Variants in OCM observed in about 807,000 individuals in gnomAD.
The protein encoded by OCM is oncomodulin.
Under a neutral mutation model 14.1 loss-of-function variants are expected in OCM, and 18 were observed. The ratio of observed to expected loss-of-function variants is 1.28; its 90% CI spans 0.88 to 1.89. OCM has a LOEUF of 1.89. Ranked by LOEUF, OCM falls within the 40% of genes most tolerant of loss-of-function variation. The pLI is 0.00. For missense variants in OCM, 140 were observed against 137.6 expected, an observed-to-expected ratio of 1.02 and a Z score of -0.09; for synonymous variants, 48 against 51.0, an observed-to-expected ratio of 0.94 and a Z score of 0.25.
chr7:5,877,869 A>G (rs373319124), upstream of OCM, among the ~76,000 whole-genome samples: 5 of 150,772 alleles, frequency 3.3e-5, no homozygotes, highest in East Asian at 7.8e-4. Context: ...ATGCCACAAC[A>G]TGGATGAAAC....
At chr7:5,883,611 C>T (rs562634265) in intron 2 of OCM, among the ~76,000 whole-genome samples, 2 of 151,506 alleles carry the variant, frequency 1.3e-5, no homozygotes, top group East Asian at 3.9e-4. Context: ...TGATTGAGCC[C>T]AGGAAGTCGA....
the OCM span, among the ~76,000 whole-genome samples, chr7:5,864,305 C>G: frequency 1.3e-5 from 2 of 150,686 alleles, no homozygotes; most frequent in Non-Finnish European, 2.9e-5. Flanking sequence ...TGTGATCGCA[C>G]CACTGCACTC....
the OCM span, among the ~76,000 whole-genome samples, chr7:5,865,527 G>A: frequency 6.3e-4 from 96 of 151,842 alleles, no homozygotes; most frequent in Admixed American, 3.9e-4. Flanking sequence ...GGTCATTTAT[G>A]GTGGCCATCC....
the OCM span, among the ~76,000 whole-genome samples, chr7:5,870,841 G>A: frequency 5.9e-5 from 9 of 151,984 alleles, no homozygotes; most frequent in Admixed American, 3.9e-4. Context: ...AAAATTAACT[G>A]TCACAACTAC....
At chr7:5,881,494 G>T (rs913800565) in intron 1 of OCM, among the ~76,000 whole-genome samples, 10 of 152,102 alleles carry the variant, frequency 6.6e-5, no homozygotes, top group Non-Finnish European at 1.2e-4. Context: ...GCGGGGCATG[G>T]TGGCATGTGC....
chr7:5,864,547 T>A, the OCM span, among the ~76,000 whole-genome samples: 1 of 152,220 alleles, frequency 6.6e-6, no homozygotes, highest in East Asian at 1.9e-4. Flanking sequence ...TCAACTTTTT[T>A]AAGATGCAAA....
At chr7:5,865,624 T>C in the OCM span, among the ~76,000 whole-genome samples, 1 of 152,218 alleles carries the variant, frequency 6.6e-6, no homozygotes, top group Non-Finnish European at 1.5e-5. Flanking sequence ...GTTGCAATAA[T>C]GCAAAAACCA....
rs374267718 is a variant in OCM at position 5,880,846 on chromosome 7, T to C, written c.-44T>C. On this transcript the variant is annotated 5_prime_UTR_variant, in exon 1 of 4. Transcript: ENST00000242104. ...TCCCCTGGATGTGCACATTCCTGTTTGTGGCTTATCGCCTCTCATTTATTC... is the reference window on the plus strand; with the variant it reads ...TCCCCTGGATGTGCACATTCCTGTTCGTGGCTTATCGCCTCTCATTTATTC... 2 of 1,589,910 alleles carry C rather than the reference T, an allele frequency of 1.3e-6. No individual in the cohort carries two copies. Among genetic ancestry groups the C allele is most frequent in the Non-Finnish European group, 1.7e-6 (2 of 1,158,036 alleles).
At chr7:5,880,301 G>A (rs1651898634), upstream of OCM, among the ~76,000 whole-genome samples, 1 of 151,982 alleles carries the variant, frequency 6.6e-6, no homozygotes, top group Non-Finnish European at 1.5e-5. Flanking sequence ...ATTTTTATAA[G>A]AAAACAATTG....
the OCM span, among the ~76,000 whole-genome samples, chr7:5,869,453 C>A: frequency 1.3e-5 from 2 of 151,952 alleles, no homozygotes; most frequent in Non-Finnish European, 2.9e-5. Flanking sequence ...CAAAAATTAT[C>A]CAGGCATGGT....
the OCM span, among the ~76,000 whole-genome samples, chr7:5,865,803 G>C: frequency 6.6e-6 from 1 of 152,110 alleles, no homozygotes; most frequent in Non-Finnish European, 1.5e-5. Flanking sequence ...GAGTTTAACT[G>C]TGCATTTAAT....
At chr7:5,880,990 C>G in intron 1 of OCM, 40 bp downstream of exon 1, 1 of 1,589,744 alleles carries the variant, frequency 6.3e-7, no homozygotes, top group South Asian at 1.1e-5. Context: ...TTCCTCACAG[C>G]TTTGCACCTC....
chr7:5,877,443 G>A (rs1027468610), upstream of OCM, among the ~76,000 whole-genome samples: 4 of 151,920 alleles, frequency 2.6e-5, no homozygotes, highest in East Asian at 3.9e-4. Flanking sequence ...ATTCCAGCCC[G>A]AAGAGCGAAA....
At chr7:5,862,788 G>A in the OCM span, among the ~76,000 whole-genome samples, 1 of 151,806 alleles carries the variant, frequency 6.6e-6, no homozygotes, top group Non-Finnish European at 1.5e-5. Context: ...GATCTACTGA[G>A]CTCAAGATGA....
the OCM span, among the ~76,000 whole-genome samples, chr7:5,867,143 C>T: frequency 6.6e-6 from 1 of 152,090 alleles, no homozygotes; most frequent in East Asian, 1.9e-4. Flanking sequence ...ATTTTCCTTG[C>T]AGTTCTTTAA....
the OCM span, among the ~76,000 whole-genome samples, chr7:5,861,715 C>T: frequency 3.9e-5 from 6 of 152,038 alleles, no homozygotes; most frequent in Admixed American, 3.3e-4. Flanking sequence ...ATTGGCATCT[C>T]ATTGTGGTTT....
chr7:5,867,317 A>G, the OCM span, among the ~76,000 whole-genome samples: 2 of 152,172 alleles, frequency 1.3e-5, no homozygotes, highest in East Asian at 1.9e-4. Flanking sequence ...ATCTCAAAAA[A>G]AAAGAAGAGA....
intron 2 of OCM, 99 bp downstream of exon 2, chr7:5,882,724 T>C (rs1244038876): frequency 1.9e-5 from 27 of 1,406,502 alleles, no homozygotes; most frequent in Admixed American, 8.8e-5. Context: ...ATGGCCAGCC[T>C]TGGTGTTGGT....
upstream of OCM, among the ~76,000 whole-genome samples, chr7:5,877,819 CAAA>C (rs535302724): frequency 5.0e-3 from 278 of 55,234 alleles, no homozygotes; most frequent in African/African-American, 0.018. Context: ...GACTCCATCT[CAAA>C]AAAAAAAAAA....
Sources: allele counts gnomAD v4.1 joint callset (sites outside exome capture counted in the v4.1 genomes callset), GRCh38; gene constraint gnomAD v4.1.1; transcripts MANE v1.5; gene names NCBI Gene and HGNC (gene_info 2026-07-23, HGNC 2026-07-21).